LTBP2: variants seen among roughly 807,000 people sequenced by gnomAD.
The protein encoded by LTBP2 is latent transforming growth factor beta binding protein 2, also known as latent-transforming growth factor beta-binding protein 2.
In LTBP2, 103 loss-of-function variants were observed where a neutral mutation model predicts 210.6. That is an observed-to-expected ratio of 0.49 (90% confidence interval 0.42 to 0.58). The LOEUF (loss-of-function observed/expected upper bound fraction) is 0.58, where lower values mean the gene tolerates loss of function less well. Ranked by LOEUF, LTBP2 falls within the 20% of genes least tolerant of loss-of-function variation. The probability of loss-of-function intolerance (pLI) is 0.00; values close to 1 mark genes in which losing one functional copy is unlikely to be tolerated. For missense variants in LTBP2, 2,313 were observed against 2,494.5 expected (o/e 0.93, Z 1.55); for synonymous variants, 1,007 against 1,015.0 (o/e 0.99, Z 0.15).
chr14:74,604,909 G>A (rs2088502811), intron 1 of LTBP2, among the ~76,000 whole-genome samples: 1 of 152,204 alleles, frequency 6.6e-6, no homozygotes, highest in Admixed American at 6.5e-5. Context: ...CACTCCAGCA[G>A]CACCAGCAGT....
intron 18 of LTBP2, 67 bp downstream of exon 18, chr14:74,516,755 G>T: frequency 5.2e-6 from 8 of 1,541,302 alleles, no homozygotes; most frequent in Non-Finnish European, 5.3e-6. Flanking sequence ...TTGGTGGTGG[G>T]CAGTGCGTAG....
chr14:74,580,102 C>G (rs1040767859), intron 3 of LTBP2, among the ~76,000 whole-genome samples: 21 of 152,002 alleles, frequency 1.4e-4, no homozygotes, highest in Non-Finnish European at 7.3e-5. Context: ...ATACCTAAGA[C>G]GTTAGTGTTG....
At chr14:74,511,999 AAGTC>A (rs2087077879) in intron 18 of LTBP2, among the ~76,000 whole-genome samples, 1 of 152,198 alleles carries the variant, frequency 6.6e-6, no homozygotes, top group South Asian at 2.1e-4. Context: ...AGATCCAGGA[AAGTC>A]AGCCAGAAGG....
chr14:74,592,606 G>C (rs1489302625), intron 2 of LTBP2, among the ~76,000 whole-genome samples: 1 of 152,112 alleles, frequency 6.6e-6, no homozygotes, highest in Non-Finnish European at 1.5e-5. Flanking sequence ...GCTGAGGTGG[G>C]AGGGATCACT....
chr14:74,597,010 T>C (rs531158594), intron 2 of LTBP2, among the ~76,000 whole-genome samples: 1 of 152,200 alleles, frequency 6.6e-6, no homozygotes, highest in East Asian at 1.9e-4. Context: ...GGAGATGATG[T>C]TTACATCCAT....
At chr14:74,595,537 A>T (rs1036779174) in intron 2 of LTBP2, among the ~76,000 whole-genome samples, 3 of 152,148 alleles carry the variant, frequency 2.0e-5, no homozygotes, top group Non-Finnish European at 2.9e-5. Flanking sequence ...CCAGAGAAGC[A>T]GCTTCCAGGG....
intron 18 of LTBP2, 119 bp from the exon 19 acceptor site, chr14:74,511,483 C>T: frequency 7.6e-7 from 1 of 1,311,634 alleles, no homozygotes; most frequent in Non-Finnish European, 1.1e-6. Flanking sequence ...CAGAGGGAAA[C>T]TAGGAAAGAA....
chr14:74,511,133 A>G, intron 19 of LTBP2, 112 bp downstream of exon 19: 1 of 1,530,310 alleles, frequency 6.5e-7, no homozygotes, highest in South Asian at 1.1e-5. Context: ...ATGGAGGACA[A>G]CAGCCTCCAA....
At chr14:74,510,499 G>A (rs2087056706) in intron 19 of LTBP2, among the ~76,000 whole-genome samples, 1 of 152,234 alleles carries the variant, frequency 6.6e-6, no homozygotes, top group Admixed American at 6.5e-5. Context: ...GCTCATCTGA[G>A]GATACTTGAA....
intron 9 of LTBP2, 64 bp from the exon 10 acceptor site, chr14:74,532,612 G>A (rs908005135): frequency 6.9e-6 from 11 of 1,585,120 alleles, no homozygotes; most frequent in African/African-American, 1.3e-5. Context: ...CAGAGGGGCT[G>A]GGCAGAGATC....
rs61738024 is a variant in LTBP2 at position 74,585,877 on chromosome 14, G to A, written c.807C>T (p.Pro269=). The change falls in exon 3 of 36, where the codon CCC becomes CCT. Residue 269 remains proline (P), a synonymous_variant. Transcript: ENST00000261978. ...ACCCAGCTGGTGGCGACTGTGGTGC[G>A]GGCGGCGACTGTGGTGCTGGCGGCT... is the stretch of plus-strand genomic sequence containing the variant. ...RAQPPAPQSP[P]APQSPPAGTL... The A allele has an allele frequency of 3.7e-3, 6,039 of 1,613,314 alleles. 17 individuals are homozygous for A. The highest frequency in any genetic ancestry group is 4.7e-3 in the Non-Finnish European group (5,523 of 1,179,282).
intron 19 of LTBP2, 144 bp from the exon 20 acceptor site, chr14:74,510,357 T>C: frequency 4.2e-6 from 5 of 1,204,760 alleles, no homozygotes; most frequent in Non-Finnish European, 5.9e-6. Flanking sequence ...CATGAGGCCA[T>C]GCTCCCTCCT....
intron 9 of LTBP2, among the ~76,000 whole-genome samples, chr14:74,532,911 C>A (rs1354223434): frequency 6.6e-6 from 1 of 152,196 alleles, no homozygotes; most frequent in Non-Finnish European, 1.5e-5. Flanking sequence ...GTGATCTCAG[C>A]TCACTGCAGT....
rs751222642 is a variant in LTBP2 at position 74,529,122 on chromosome 14, G to A, written c.1988C>T (p.Ser663Leu). ...CTGCAGCATGGAGATTGCCTTGTCC[G>A]CTGCAACAGACACAGCACGTGGAGG... ...MLDPSRSRCV[S>L]DKAISMLQGL... The change falls in exon 11 of 36, where the codon TCG (serine) becomes TTG (leucine). Residue 663 changes from serine (S) to leucine (L), a missense_variant and splice_region_variant. Ser to Leu is a moderately radical substitution (Grantham distance 145, BLOSUM62 -2). This residue lies in a region of LTBP2 where 1,867 missense variants were observed against 1,976.9 expected (regional missense o/e 0.94). Transcript: ENST00000261978. 36 of 1,551,388 alleles carry A rather than the reference G, an allele frequency of 2.3e-5. No homozygotes were observed. The highest frequency in any genetic ancestry group is 2.5e-5 in the Non-Finnish European group (29 of 1,147,242).
rs1050675044 is a variant in LTBP2 at position 74,571,181 on chromosome 14, A to C, written c.830+14673T>G. On this transcript the variant is annotated intron_variant, in intron 3 of 35. Transcript: ENST00000261978. ...ACCCCGTCTCTACTAAAAATACAAAAATTAGCTGAGCATGGTGGTGGGCAC... is the reference window on the plus strand; with the variant it reads ...ACCCCGTCTCTACTAAAAATACAAACATTAGCTGAGCATGGTGGTGGGCAC... Among the ~76,000 whole-genome samples the C allele has an allele frequency of 2.6e-5, 4 of 152,118 alleles. No individual in the cohort carries two copies. In the South Asian group the frequency reaches 8.3e-4, roughly 32 times the overall value.
chr14:74,582,413 C>T (rs567941050), intron 3 of LTBP2, among the ~76,000 whole-genome samples: 1 of 151,150 alleles, frequency 6.6e-6, no homozygotes, highest in East Asian at 2.0e-4. Flanking sequence ...CACACACACA[C>T]ACACACACAC....
rs746326223 is a variant in LTBP2 at position 74,551,093 on chromosome 14, G to C, written c.1657C>G (p.Arg553Gly). 6.2e-7 allele frequency: 1 copy of C among 1,613,760 alleles called. No homozygotes were observed. The change falls in exon 7 of 36, where the codon CGG becomes GGG. Residue 553 changes from arginine to glycine, a missense_variant. Physicochemically the swap from Arg to Gly is moderately radical, Grantham distance 125. Around this residue, in one of 3 missense-constraint regions of LTBP2, gnomAD observed 1,867 missense variants for 1,976.9 expected, o/e 0.94. Coordinates refer to ENST00000261978, the MANE Select transcript of LTBP2 (RefSeq NM_000428.3). Reference protein sequence around the residue: ...AAPRPRGLLGRCYLNTVNGQC... With the variant: ...AAPRPRGLLGGCYLNTVNGQC... ...CCGTTCACAGTGTTCAGGTAACACC[G>C]GCCCAGCAGTCCTCGAGGCCTGGGT...
intron 3 of LTBP2, among the ~76,000 whole-genome samples, chr14:74,573,470 A>G (rs2088012686): frequency 6.6e-6 from 1 of 152,174 alleles, no homozygotes; most frequent in Non-Finnish European, 1.5e-5. Flanking sequence ...GGGTGAGTGG[A>G]GGTGCAGATC....
chr14:74,584,456 T>C (rs2088176951), intron 3 of LTBP2, among the ~76,000 whole-genome samples: 1 of 152,128 alleles, frequency 6.6e-6, no homozygotes, highest in Non-Finnish European at 1.5e-5. Context: ...TGGCTGGCCC[T>C]TGAACTGGCA....
Sources: gnomAD v4.1 joint callset for allele counts (sites outside exome capture counted in the v4.1 genomes callset) on GRCh38, gnomAD v4.1.1 for gene constraint, gnomAD v4.1.1 regional missense constraint, MANE v1.5 for transcripts, NCBI Gene and HGNC (gene_info 2026-07-23, HGNC 2026-07-21) for gene names.